The following TDRD1 variants were observed in gnomAD, a reference collection of about 807,000 sequenced individuals.
TDRD1 encodes tudor domain-containing protein 1.
Under a neutral mutation model 140.6 loss-of-function variants are expected in TDRD1, and 37 were observed. The observed-to-expected ratio is 0.26, with a 90% confidence interval of 0.20 to 0.35. TDRD1 has a LOEUF of 0.35. Among genes scored for constraint, TDRD1 ranks in the 10% least tolerant of loss-of-function variants. TDRD1 has a pLI of 1.00. For synonymous variants in TDRD1, 506 were observed against 475.7 expected, an observed-to-expected ratio of 1.06 and a Z score of -0.83; for missense variants, 1,243 against 1,393.0, an observed-to-expected ratio of 0.89 and a Z score of 1.71.
At chr10:114,182,809 C>T (rs531192430) in intron 1 of TDRD1, among the ~76,000 whole-genome samples, 9 of 152,076 alleles carry the variant, frequency 5.9e-5, no homozygotes, top group African/African-American at 1.9e-4. Context: ...CTCAGCCTCC[C>T]GAGTAGCTGG....
At chr10:114,184,088 A>T (rs2033321293) in intron 1 of TDRD1, among the ~76,000 whole-genome samples, 1 of 152,120 alleles carries the variant, frequency 6.6e-6, no homozygotes, top group Non-Finnish European at 1.5e-5. Flanking sequence ...GAGTATATTA[A>T]TTGATACTCC....
intron 23 of TDRD1, 84 bp downstream of exon 23, chr10:114,227,383 A>G (rs2036497411): frequency 1.0e-6 from 1 of 978,150 alleles, no homozygotes; most frequent in East Asian, 2.5e-5. Context: ...ACCTTTTCTC[A>G]CTTCCCATGC....
chr10:114,193,449 T>A lies in TDRD1; in HGVS notation c.384+2430T>A, dbSNP rs551361889. On this transcript the variant is annotated intron_variant, in intron 3 of 25. Coordinates refer to ENST00000251864, the Ensembl canonical transcript of TDRD1. ...CTGTGACTACAGTCATGCACCCCCA[T>A]ACTTGGCTAATTTTTGTATTTTTTA... 1.8e-3 allele frequency among the ~76,000 whole-genome samples: 272 copies of A among 152,068 alleles called. 2 individuals are homozygous for A. Among genetic ancestry groups the A allele is most frequent in the African/African-American group, 6.1e-3 (254 of 41,516 alleles).
exon 21 of TDRD1, chr10:114,222,624 A>G (rs2036211058): frequency 2.5e-6 from 4 of 1,612,982 alleles, no homozygotes; most frequent in Non-Finnish European, 3.4e-6. Flanking sequence ...CAGCTGAATT[A>G]TTAGAATACT....
At chr10:114,198,803 A>G (rs570234119) in intron 3 of TDRD1, among the ~76,000 whole-genome samples, 1 of 152,240 alleles carries the variant, frequency 6.6e-6, no homozygotes, top group South Asian at 2.1e-4. Context: ...GCAGGTGCCC[A>G]CCACGACACC....
In TDRD1 at chr10:114,221,336, CTGTGTTTTGTA is replaced by C. The variant is rs758089515; in HGVS notation, c.2771-17_2771-7del. ...ACATTTTTTTTATTCCGTGTGAGAC[CTGTGTTTTGTA>C]TGTTTCCAGCTACCTCTTCAGCTGA... On this transcript the variant is annotated splice_polypyrimidine_tract_variant and intron_variant, in intron 19 of 25. Transcript: ENST00000251864. 6 of 1,610,120 alleles carry C rather than the reference CTGTGTTTTGTA, an allele frequency of 3.7e-6. No homozygotes were observed. The highest frequency in any genetic ancestry group is 5.1e-6 in the Non-Finnish European group (6 of 1,177,810).
At position 114,185,713 on chromosome 10, in the gene TDRD1, A is replaced by G. The variant is rs113644898; in HGVS notation, c.-6-2113A>G. On this transcript the variant is annotated intron_variant, in intron 1 of 25. Coordinates refer to ENST00000251864, the Ensembl canonical transcript of TDRD1. ...AGCCATTCTCCTGCCTCAGCCTCCC[A>G]AGTAGCTGGGATTACAGGCGTACAC... Among the ~76,000 whole-genome samples, 752 of 151,374 alleles carry G rather than the reference A, an allele frequency of 5.0e-3. 7 individuals are homozygous for G. Among genetic ancestry groups the G allele is most frequent in the African/African-American group, 0.018 (724 of 41,236 alleles).
At chr10:114,188,294 T>A in intron 2 of TDRD1, 138 bp downstream of exon 2, 2 of 766,334 alleles carry the variant, frequency 2.6e-6, no homozygotes, top group Non-Finnish European at 3.9e-6. Flanking sequence ...ATTTCATTAT[T>A]AATTTAGAAG....
chr10:114,189,595 A>G (rs1028132898), intron 2 of TDRD1, among the ~76,000 whole-genome samples: 2 of 152,144 alleles, frequency 1.3e-5, no homozygotes, highest in African/African-American at 4.8e-5. Context: ...ACACATGAAT[A>G]TTAATATTTT....
chr10:114,222,710 T>A lies in TDRD1; in HGVS notation c.3007+7T>A. On this transcript the variant is annotated splice_region_variant and intron_variant, in intron 21 of 25. Coordinates refer to ENST00000251864, the Ensembl canonical transcript of TDRD1. ...TGCTGTGCCAAATACACAAGTAAGG[T>A]TCTTTTAGGGAAAATATTTGAGGGA... 1.3e-6 allele frequency: 2 copies of A among 1,490,566 alleles called. No individual in the cohort carries two copies. Among genetic ancestry groups the A allele is most frequent in the South Asian group, 2.3e-5 (2 of 86,292 alleles). 92.3% of individuals were successfully genotyped at this position (1,490,566 alleles called of 1,614,324 possible).
At chr10:114,185,212 CAG>C (rs1417920592) in intron 1 of TDRD1, among the ~76,000 whole-genome samples, 6 of 152,156 alleles carry the variant, frequency 3.9e-5, no homozygotes, top group Non-Finnish European at 5.9e-5. Context: ...GTTTTTGAGA[CAG>C]AGTCTCATTC....
At position 114,227,863 on chromosome 10, in the gene TDRD1, C is replaced by G. The variant is rs1249904557; in HGVS notation, c.3404-47C>G. On this transcript the variant is annotated intron_variant, in intron 23 of 25. Transcript: ENST00000251864. ...ATGTTTACACTCCCAAGTTTTTCTT[C>G]TTTACATTATGTGTTATCTAATGGC... The G allele has an allele frequency of 2.0e-6, 3 of 1,527,644 alleles. 1 individual carries two copies. The highest frequency in any genetic ancestry group is 2.3e-5 in the South Asian group (2 of 88,078). The allele number at this position is 1,527,644 out of a possible 1,614,324, so 94.6% of individuals were successfully genotyped here. A position where few individuals can be genotyped will look rare whatever the true frequency, so the allele number is the denominator to read the frequency against.
intron 13 of TDRD1, 96 bp from the exon 14 acceptor site, chr10:114,211,766 GAAAA>G (rs2035499599): frequency 1.6e-6 from 2 of 1,246,188 alleles, no homozygotes; most frequent in Non-Finnish European, 2.1e-6. Flanking sequence ...ATCTATTAAA[GAAAA>G]ATCTATAAAT....
intron 3 of TDRD1, among the ~76,000 whole-genome samples, chr10:114,193,832 T>C (rs1480746735): frequency 6.6e-6 from 1 of 152,240 alleles, no homozygotes; most frequent in African/African-American, 2.4e-5. Flanking sequence ...TAAGTTTAGA[T>C]GTAGGTTTTT....
At chr10:114,204,640 TAC>T (rs1415157454) in intron 9 of TDRD1, 80 bp from the exon 10 acceptor site, 18 of 1,356,786 alleles carry the variant, frequency 1.3e-5, no homozygotes, top group East Asian at 2.6e-5. Flanking sequence ...CAGCATGAAA[TAC>T]ATTCTTTTAT....
intron 1 of TDRD1, among the ~76,000 whole-genome samples, chr10:114,184,362 G>A (rs1219805392): frequency 2.6e-5 from 4 of 152,172 alleles, no homozygotes; most frequent in Non-Finnish European, 2.9e-5. Context: ...GAGTGATGAC[G>A]CAAAGGAACC....
At chr10:114,226,181 C>G (rs576653939) in exon 22 of TDRD1, 1 of 1,613,586 alleles carries the variant, frequency 6.2e-7, no homozygotes, top group Non-Finnish European at 8.5e-7. Context: ...AGCCACCTGG[C>G]GCTTCCTTTC....
At chr10:114,189,643 G>T (rs1199770824) in intron 2 of TDRD1, among the ~76,000 whole-genome samples, 1 of 152,150 alleles carries the variant, frequency 6.6e-6, no homozygotes, top group Admixed American at 6.6e-5. Flanking sequence ...CCAAGCTGAA[G>T]TGCAATGGCA....
At chr10:114,181,950 GAAATC>G (rs1432792697) in intron 1 of TDRD1, among the ~76,000 whole-genome samples, 14 of 151,874 alleles carry the variant, frequency 9.2e-5, no homozygotes, top group African/African-American at 2.9e-4. Context: ...GTAAATCAAA[GAAATC>G]AAAGTCCATG....
Sources: gnomAD v4.1 joint callset for allele counts (sites outside exome capture counted in the v4.1 genomes callset) on GRCh38, gnomAD v4.1.1 for gene constraint, MANE v1.5 for transcripts, NCBI Gene and HGNC (gene_info 2026-07-23, HGNC 2026-07-21) for gene names.